The following IGFALS variants were observed in gnomAD, a reference collection of about 807,000 sequenced individuals.
The protein encoded by IGFALS is insulin like growth factor binding protein acid labile subunit, also known as insulin-like growth factor-binding protein complex acid labile subunit.
Under a neutral mutation model 2.6 loss-of-function variants are expected in IGFALS, and 2 were observed. The ratio of observed to expected loss-of-function variants is 0.77; its 90% CI spans 0.32 to 2.44. The LOEUF (loss-of-function observed/expected upper bound fraction) is 2.44, where lower values mean the gene tolerates loss of function less well. IGFALS is among the 30% of genes most tolerant of loss of function. The pLI, the probability that IGFALS is intolerant of heterozygous loss-of-function variation, is 0.11. For missense variants in IGFALS, 996 were observed against 848.7 expected (o/e 1.17, Z -2.16); for synonymous variants, 519 against 431.9 (o/e 1.20, Z -2.50).
intron 1 of IGFALS, 48 bp from the exon 2 acceptor site, chr16:1,792,449 G>T: frequency 3.3e-6 from 5 of 1,496,154 alleles, no homozygotes; most frequent in African/African-American, 1.4e-5. Context: ...GGCTCTGCCC[G>T]AGTGAGCCTG....
rs1344866257 is a variant in IGFALS, at chr16:1,791,502, G to T, written c.916C>A (p.Arg306=). 1 of 1,606,982 alleles carries T rather than the reference G, an allele frequency of 6.2e-7. No individual in the cohort carries two copies. The highest frequency in any genetic ancestry group is 8.5e-7 in the Non-Finnish European group (1 of 1,177,656). Residue 306 remains arginine, a synonymous_variant, in exon 2 of 2, where the codon CGG becomes AGG. Coordinates refer to ENST00000215539, the MANE Select transcript of IGFALS (RefSeq NM_004970.3). The part of the protein sequence containing the change: ...RLSHNAIASL[R]PRTFKDLHFL... ...TGCAGGTCCTTGAAGGTGCGGGGCCGCAGGCTGGCGATGGCGTTGTGGGAC... is the reference window on the plus strand; with the variant it reads ...TGCAGGTCCTTGAAGGTGCGGGGCCTCAGGCTGGCGATGGCGTTGTGGGAC...
rs773569527 is a variant in IGFALS at position 1,791,013 on chromosome 16, G to A, written c.1405C>T (p.Arg469Cys). ...KLEYLLLSRNRLAELPADALG... is the reference protein window; with the variant it reads ...KLEYLLLSRNCLAELPADALG... ...GCGTCCGCCGGCAGCTCTGCCAGGC[G>A]GTTGCGGGAGAGCAGCAGGTACTCC... Residue 469 changes from arginine (R) to cysteine (C), a missense_variant, in exon 2 of 2, where the codon CGC (arginine) becomes TGC (cysteine). Arg to Cys is a radical substitution (Grantham distance 180). Transcript: ENST00000215539. 1.8e-5 allele frequency: 28 copies of A among 1,598,104 alleles called. No homozygotes were observed. The Middle Eastern group carries it at 5.1e-4, about 29-fold the overall frequency.
In IGFALS at chr16:1,791,584, C is replaced by T. The variant is rs937739936; in HGVS notation, c.834G>A (p.Val278=). Reference sequence around the variant, plus strand: ...GGAACGTGTCCTCCAGGAGGCCAGCCACGCGGTTGTGGGACAGGTCCAGCC... The same window carrying T: ...GGAACGTGTCCTCCAGGAGGCCAGCTACGCGGTTGTGGGACAGGTCCAGCC... The part of the protein sequence containing the change: ...LRWLDLSHNR[V]AGLLEDTFPG... Residue 278 remains valine (V), a synonymous_variant, in exon 2 of 2, where the codon GTG becomes GTA. Coordinates refer to ENST00000215539, the MANE Select transcript of IGFALS (RefSeq NM_004970.3). 1 of 1,563,450 alleles carries T rather than the reference C, an allele frequency of 6.4e-7. No homozygotes were observed. Among genetic ancestry groups the T allele is most frequent in the Non-Finnish European group, 8.7e-7 (1 of 1,155,758 alleles).
upstream of IGFALS, chr16:1,794,902 G>A (rs903940893): frequency 1.4e-5 from 10 of 702,136 alleles, no homozygotes; most frequent in Non-Finnish European, 1.8e-5. Context: ...TCCCTTTATC[G>A]AGAATTGATC....
In IGFALS at chr16:1,791,368, G is replaced by C. The variant is rs777773612; in HGVS notation, c.1050C>G (p.Leu350=). Reference sequence around the variant, plus strand: ...GGAAAGCGCCCGCCTTGACCTCCTGGAGCTGGTTGTGGTCTAGCGTGAGCA... The same window carrying C: ...GGAAAGCGCCCGCCTTGACCTCCTGCAGCTGGTTGTGGTCTAGCGTGAGCA... ...LEVLTLDHNQ[L]QEVKAGAFLG... The change falls in exon 2 of 2, where the codon CTC becomes CTG. Residue 350 remains leucine, a synonymous_variant. Transcript: ENST00000215539. 4 of 1,609,272 alleles carry C rather than the reference G, an allele frequency of 2.5e-6. No individual in the cohort carries two copies. The South Asian group carries it at 4.4e-5, about 18-fold the overall frequency.
Position 1,791,948 on chromosome 16 carries a change from C to A in IGFALS, c.470G>T (p.Arg157Leu). The A allele has an allele frequency of 6.3e-7, 1 of 1,578,858 alleles. No individual in the cohort carries two copies. The highest frequency in any genetic ancestry group is 8.6e-7 in the Non-Finnish European group (1 of 1,163,156). Residue 157 changes from arginine (R) to leucine (L), a missense_variant, in exon 2 of 2, where the codon CGT (arginine) becomes CTT (leucine). By Grantham distance (102) the Arg-to-Leu change is moderately radical. Coordinates refer to ENST00000215539, the MANE Select transcript of IGFALS (RefSeq NM_004970.3). The part of the protein sequence containing the change: ...ALASLGLSNN[R>L]LSRLEDGLFE... ...GAGCCCGTCCTCCAGCCTGCTCAGA[C>A]GGTTGTTGCTGAGGCCGAGCGAGGC...
At position 1,792,350 on chromosome 16, in the gene IGFALS, C is replaced by CG. The variant is rs1567242312; in HGVS notation, c.67dup (p.Arg23ProfsTer29). 1 of 1,589,990 alleles carries CG rather than the reference C, an allele frequency of 6.3e-7. No homozygotes were observed. Among genetic ancestry groups the CG allele is most frequent in the Non-Finnish European group, 8.5e-7 (1 of 1,173,534 alleles). On this transcript the variant is annotated frameshift_variant, in exon 2 of 2. Coordinates refer to ENST00000215539, the MANE Select transcript of IGFALS (RefSeq NM_004970.3). LOFTEE classifies it low-confidence loss of function (END_TRUNC). ...TCCGGGGTCTGCTCCCTCCAGGCTG[C>CG]GGGGGCCCAGTGCCACCCAGGACAG...
rs774624455 is a variant in IGFALS at position 1,792,190 on chromosome 16, G to C, written c.228C>G (p.Thr76=). The C allele has an allele frequency of 6.2e-7, 1 of 1,610,694 alleles. No individual in the cohort carries two copies. The highest frequency in any genetic ancestry group is 8.5e-7 in the Non-Finnish European group (1 of 1,179,722). ...TGTTGCCGTCCAGCCACAGGGCTTG[G>C]GTGCCGCCCGGGACTCCATCAGGCA... is the stretch of plus-strand genomic sequence containing the variant. ...TRLPDGVPGG[T]QALWLDGNNL... Residue 76 remains threonine (T), a synonymous_variant, in exon 2 of 2, where the codon ACC becomes ACG. Transcript: ENST00000215539.
Position 1,792,055 on chromosome 16 carries a change from T to C in IGFALS, c.363A>G (p.Leu121=), listed in dbSNP as rs769463186. The C allele has an allele frequency of 1.9e-6, 3 of 1,610,474 alleles. No homozygotes were observed. The South Asian group carries it at 3.3e-5, about 18-fold the overall frequency. ...GSLEPQALLG[L]ENLCHLHLER... ...CCAGGTGCAGGTGGCACAGGTTCTC[T>C]AGGCCCAGCAGCGCCTGTGGCTCCA... is the stretch of plus-strand genomic sequence containing the variant. The change falls in exon 2 of 2, where the codon CTA becomes CTG. Residue 121 remains leucine (L), a synonymous_variant. Transcript: ENST00000215539.
upstream of IGFALS, among the ~76,000 whole-genome samples, chr16:1,794,020 G>T (rs561839372): frequency 1.3e-5 from 2 of 152,276 alleles, no homozygotes; most frequent in South Asian, 4.1e-4. Context: ...CTTGAGGCCG[G>T]TTTGGGGAGC....
At position 1,790,768 on chromosome 16, in the gene IGFALS, G is replaced by T; in HGVS notation, c.1650C>A (p.Phe550Leu). 1 of 1,592,258 alleles carries T rather than the reference G, an allele frequency of 6.3e-7. No homozygotes were observed. The highest frequency in any genetic ancestry group is 2.3e-5 in the East Asian group (1 of 43,616). Residue 550 changes from phenylalanine (F) to leucine (L), a missense_variant, in exon 2 of 2, where the codon TTC (phenylalanine) becomes TTA (leucine). Transcript: ENST00000215539. ...GCACAGCACTGGGGTTCTGCAGGGC[G>T]AAGTCCCGCAGCGCCTTGAGAGGGC... ...CGCPLKALRD[F>L]ALQNPSAVPR... is the part of the protein sequence containing the mutation.
At chr16:1,794,331 C>T (rs1037138240), upstream of IGFALS, among the ~76,000 whole-genome samples, 1 of 152,206 alleles carries the variant, frequency 6.6e-6, no homozygotes, top group Non-Finnish European at 1.5e-5. Flanking sequence ...CTAGGAATGC[C>T]TGGCAGGGCT....
intron 1 of IGFALS, 116 bp from the exon 2 acceptor site, chr16:1,792,517 T>C (rs1037551945): frequency 3.4e-5 from 48 of 1,432,308 alleles, no homozygotes; most frequent in Middle Eastern, 1.9e-4. Context: ...GGTCACCCGC[T>C]GAGATGCGAA....
Position 1,793,655 on chromosome 16 carries a change from T to A in IGFALS, c.-3A>T, listed in dbSNP as rs368703697. The A allele has an allele frequency of 2.9e-5, 46 of 1,596,102 alleles. No homozygotes were observed. The highest frequency in any genetic ancestry group is 3.8e-5 in the Non-Finnish European group (45 of 1,171,336). On this transcript the variant is annotated 5_prime_UTR_variant, in exon 1 of 2. Coordinates refer to ENST00000215539, the MANE Select transcript of IGFALS (RefSeq NM_004970.3). ...GCCTCACCTTTCCTCAGGGCCATCC[T>A]GCATGCAGGGCAGGCTGCAGGCAGG...
chr16:1,791,507 C>G lies in IGFALS; in HGVS notation c.911G>C (p.Ser304Thr). 1 of 1,605,796 alleles carries G rather than the reference C, an allele frequency of 6.2e-7. No individual in the cohort carries two copies. The highest frequency in any genetic ancestry group is 8.5e-7 in the Non-Finnish European group (1 of 1,177,032). The change falls in exon 2 of 2, where the codon AGC becomes ACC. Residue 304 changes from serine (S) to threonine (T), a missense_variant. Physicochemically the swap from Ser to Thr is moderately conservative, Grantham distance 58. Coordinates refer to ENST00000215539, the MANE Select transcript of IGFALS (RefSeq NM_004970.3). ...GTCCTTGAAGGTGCGGGGCCGCAGG[C>G]TGGCGATGGCGTTGTGGGACAGCCG... ...VLRLSHNAIA[S>T]LRPRTFKDLH...
chr16:1,790,845 G>A lies in IGFALS; in HGVS notation c.1573C>T (p.Pro525Ser). Reference protein sequence around the residue: ...NNSLRTFTPQPPGLERLWLEG... With the variant: ...NNSLRTFTPQSPGLERLWLEG... ...AGCCACAGGCGCTCCAGGCCCGGGGGCTGCGGCGTGAAGGTCCGCAGTGAG... is the reference window on the plus strand; with the variant it reads ...AGCCACAGGCGCTCCAGGCCCGGGGACTGCGGCGTGAAGGTCCGCAGTGAG... Residue 525 changes from proline to serine, a missense_variant, in exon 2 of 2, where the codon CCC becomes TCC. By Grantham distance (74) the Pro-to-Ser change is moderately conservative. Coordinates refer to ENST00000215539, the MANE Select transcript of IGFALS (RefSeq NM_004970.3). 6.4e-7 allele frequency: 1 copy of A among 1,566,558 alleles called. No individual in the cohort carries two copies. Among genetic ancestry groups the A allele is most frequent in the Non-Finnish European group, 8.6e-7 (1 of 1,156,770 alleles).
At chr16:1,793,229 G>C (rs553270850) in intron 1 of IGFALS, among the ~76,000 whole-genome samples, 2 of 152,302 alleles carry the variant, frequency 1.3e-5, no homozygotes, top group South Asian at 4.1e-4. Flanking sequence ...CTCAGCTCAG[G>C]CTTGGGGGTG....
In IGFALS at chr16:1,792,172, G is replaced by T; in HGVS notation, c.246C>A (p.Asp82Glu). 1 of 1,611,116 alleles carries T rather than the reference G, an allele frequency of 6.2e-7. No individual in the cohort carries two copies. The highest frequency in any genetic ancestry group is 8.5e-7 in the Non-Finnish European group (1 of 1,179,644). Residue 82 changes from aspartate (D) to glutamate (E), a missense_variant, in exon 2 of 2, where the codon GAC becomes GAA. Transcript: ENST00000215539. ...GGGGGACGGACGAGAGGTTGTTGCC[G>T]TCCAGCCACAGGGCTTGGGTGCCGC... ...VPGGTQALWL[D>E]GNNLSSVPPA...
At position 1,792,138 on chromosome 16, in the gene IGFALS, A is replaced by G. The variant is rs1897243911; in HGVS notation, c.280T>C (p.Phe94Leu). ...AAGCCCAGGCTGGAGAGGTTCTGGA[A>G]GGCTGCCGGGGGGACGGACGAGAGG... is the stretch of plus-strand genomic sequence containing the variant. ...NNLSSVPPAA[F>L]QNLSSLGFLN... The change falls in exon 2 of 2, where the codon TTC becomes CTC. Residue 94 changes from phenylalanine (F) to leucine (L), a missense_variant. Coordinates refer to ENST00000215539, the MANE Select transcript of IGFALS (RefSeq NM_004970.3). 1 of 1,611,416 alleles carries G rather than the reference A, an allele frequency of 6.2e-7. No homozygotes were observed. Among genetic ancestry groups the G allele is most frequent in the Non-Finnish European group, 8.5e-7 (1 of 1,179,674 alleles).
Sources: gnomAD v4.1 joint callset for allele counts (sites outside exome capture counted in the v4.1 genomes callset) on GRCh38, gnomAD v4.1.1 for gene constraint, MANE v1.5 for transcripts, NCBI Gene and HGNC (gene_info 2026-07-23, HGNC 2026-07-21) for gene names.